The following COL24A1 variants were observed in gnomAD, a reference collection of about 807,000 sequenced individuals.
COL24A1 encodes collagen alpha-1(XXIV) chain.
Under a neutral mutation model 253.9 loss-of-function variants are expected in COL24A1, and 224 were observed. That is an observed-to-expected ratio of 0.88 (90% CI 0.79 to 0.99). The LOEUF (loss-of-function observed/expected upper bound fraction) is 0.99, where lower values mean the gene tolerates loss of function less well. COL24A1 is among the 50% of genes least tolerant of loss of function. The pLI, the probability that COL24A1 is intolerant of heterozygous loss-of-function variation, is 0.00. For missense variants in COL24A1, 2,131 were observed against 2,068.5 expected, an observed-to-expected ratio of 1.03 and a Z score of -0.59; for synonymous variants, 685 against 673.7, an observed-to-expected ratio of 1.02 and a Z score of -0.26.
Position 86,156,368 on chromosome 1 carries a change from C to T in COL24A1, c.29G>A (p.Arg10His). ...TTTTGCCGTGGGGGAGACTTTTCCA[C>T]GCCTTGTTCTGTGGGCTCTTAAATG... MHLRAHRTR[R>H]GKVSPTAKTK... The change falls in exon 1 of 60, where the codon CGT (arginine) becomes CAT (histidine). Residue 10 changes from arginine to histidine, a missense_variant. By Grantham distance (29) the Arg-to-His change is conservative (BLOSUM62 0). Coordinates refer to ENST00000370571, the MANE Select transcript of COL24A1 (RefSeq NM_152890.7). 2 of 1,612,918 alleles carry T rather than the reference C, an allele frequency of 1.2e-6. No individual in the cohort carries two copies. Among genetic ancestry groups the T allele is most frequent in the Non-Finnish European group, 1.7e-6 (2 of 1,179,500 alleles).
intron 49 of COL24A1, 32 bp downstream of exon 49, chr1:85,784,227 A>AGTGCTTG: frequency 6.2e-7 from 1 of 1,611,554 alleles, no homozygotes; most frequent in Non-Finnish European, 8.5e-7. Flanking sequence ...CTGTAGAATA[A>AGTGCTTG]ATGCTTGGTG....
intron 56 of COL24A1, 151 bp from the exon 57 acceptor site, chr1:85,744,985 G>A (rs1327580810): frequency 1.8e-6 from 1 of 569,960 alleles, no homozygotes; most frequent in East Asian, 2.9e-5. Flanking sequence ...ATATGTGTAT[G>A]CTTTAATAAC....
At chr1:86,043,717 AG>A (rs1699678472) in intron 12 of COL24A1, among the ~76,000 whole-genome samples, 1 of 151,900 alleles carries the variant, frequency 6.6e-6, no homozygotes, top group African/African-American at 2.4e-5. Context: ...TAGTAGAGAC[AG>A]GGTTTCACCA....
At chr1:85,949,237 G>T (rs1689659962) in intron 24 of COL24A1, among the ~76,000 whole-genome samples, 1 of 151,992 alleles carries the variant, frequency 6.6e-6, no homozygotes, top group African/African-American at 2.4e-5. Context: ...GGCAGTATGA[G>T]GAATATAAAT....
intron 19 of COL24A1, among the ~76,000 whole-genome samples, chr1:86,013,560 A>T (rs1483549944): frequency 2.0e-5 from 3 of 152,192 alleles, no homozygotes; most frequent in Non-Finnish European, 4.4e-5. Flanking sequence ...ACTGGGCCAG[A>T]CATGGTGGCT....
At chr1:85,962,984 T>C (rs1020407227) in intron 23 of COL24A1, among the ~76,000 whole-genome samples, 1 of 152,152 alleles carries the variant, frequency 6.6e-6, no homozygotes, top group African/African-American at 2.4e-5. Flanking sequence ...AACATCTCAT[T>C]AATAATTTCA....
intron 7 of COL24A1, among the ~76,000 whole-genome samples, chr1:86,067,476 G>A (rs1701580487): frequency 6.6e-6 from 1 of 152,134 alleles, no homozygotes; most frequent in Non-Finnish European, 1.5e-5. Context: ...ATTAACTGGT[G>A]GACAGACATG....
intron 24 of COL24A1, among the ~76,000 whole-genome samples, chr1:85,924,199 G>C (rs965839995): frequency 3.2e-4 from 49 of 152,250 alleles, no homozygotes; most frequent in African/African-American, 1.1e-3. Flanking sequence ...ACCAAAAAAA[G>C]TCAAGGACCA....
chr1:85,955,547 G>A (rs994393405), intron 24 of COL24A1, among the ~76,000 whole-genome samples: 2 of 152,238 alleles, frequency 1.3e-5, no homozygotes, highest in Non-Finnish European at 2.9e-5. Context: ...GCTGCCGTGG[G>A]ATTGGAGCCC....
chr1:85,807,649 A>G (rs769638557), intron 47 of COL24A1, among the ~76,000 whole-genome samples: 16 of 152,160 alleles, frequency 1.1e-4, no homozygotes, highest in Non-Finnish European at 1.9e-4. Flanking sequence ...CTTGGGATTC[A>G]TGTACTCTCA....
At chr1:86,008,952 A>T (rs1696240532) in intron 19 of COL24A1, among the ~76,000 whole-genome samples, 1 of 118,090 alleles carries the variant, frequency 8.5e-6, no homozygotes, top group Non-Finnish European at 1.8e-5. Context: ...AAACCTAAGG[A>T]ATGTTAACAC....
Position 86,104,275 on chromosome 1 carries a change from T to A in COL24A1, c.1599+8292A>T, listed in dbSNP as rs992571738. Among the ~76,000 whole-genome samples, 6 of 152,338 alleles carry A rather than the reference T, an allele frequency of 3.9e-5. No homozygotes were observed. The South Asian group carries it at 1.2e-3, about 32-fold the overall frequency. On this transcript the variant is annotated intron_variant, in intron 5 of 59. Coordinates refer to ENST00000370571, the MANE Select transcript of COL24A1 (RefSeq NM_152890.7). Reference sequence around the variant, plus strand: ...TGGCTATTTTGCCTGTCAGCTCCTGTATCATTTCATTGTGATTCTTAGCTT... The same window carrying A: ...TGGCTATTTTGCCTGTCAGCTCCTGAATCATTTCATTGTGATTCTTAGCTT...
In COL24A1 at chr1:85,744,837, G is replaced by T; in HGVS notation, c.4504-3C>A. 6.2e-7 allele frequency: 1 copy of T among 1,603,410 alleles called. No homozygotes were observed. The highest frequency in any genetic ancestry group is 8.5e-7 in the Non-Finnish European group (1 of 1,175,608). On this transcript the variant is annotated splice_region_variant and splice_polypyrimidine_tract_variant and intron_variant, in intron 56 of 59. Transcript: ENST00000370571. ...GTCACTTCAGTATTCTGGTAGCTCTGCCAAGTCATCATAAGAATTATATAA... is the reference window on the plus strand; with the variant it reads ...GTCACTTCAGTATTCTGGTAGCTCTTCCAAGTCATCATAAGAATTATATAA...
At chr1:86,120,726 C>T (rs1177109974) in intron 3 of COL24A1, among the ~76,000 whole-genome samples, 2 of 152,192 alleles carry the variant, frequency 1.3e-5, no homozygotes, top group African/African-American at 2.4e-5. Context: ...TTGTGGAAGA[C>T]AGTGTGGCGA....
At chr1:85,875,764 CACAG>C (rs1161674046) in intron 33 of COL24A1, among the ~76,000 whole-genome samples, 1 of 135,066 alleles carries the variant, frequency 7.4e-6, no homozygotes, top group African/African-American at 2.7e-5. Context: ...CACACACACA[CACAG>C]AGCTTCTTTT....
At chr1:86,034,308 A>T (rs61800722) in intron 12 of COL24A1, among the ~76,000 whole-genome samples, 19,621 of 152,122 alleles carry the variant, frequency 0.13, 1,423 homozygotes, top group Middle Eastern at 0.24. Flanking sequence ...AGAGAATAAA[A>T]TAGCTAGTAT....
Position 85,734,796 on chromosome 1 carries a change from T to A in COL24A1, c.4951A>T (p.Lys1651Ter). 1 of 1,614,210 alleles carries A rather than the reference T, an allele frequency of 6.2e-7. No individual in the cohort carries two copies. The highest frequency in any genetic ancestry group is 8.5e-7 in the Non-Finnish European group (1 of 1,180,028). Residue 1651 changes from lysine (K) to a stop codon, truncating the protein, a stop_gained, in exon 59 of 60, where the codon AAA (lysine) becomes TAA (stop). Transcript: ENST00000370571. LOFTEE classifies it high-confidence loss of function. ...TTAGGTTCAAGTAGAGTGTTTACTT[T>A]AAAAATCTGGCCATTCCATCCCTTG... Reference protein sequence around the residue: ...GFKGWNGQIFKVNTLLEPKVL... With the variant: ...GFKGWNGQIF
At chr1:85,927,561 G>C (rs1206231768) in intron 24 of COL24A1, among the ~76,000 whole-genome samples, 3 of 122,932 alleles carry the variant, frequency 2.4e-5, no homozygotes, top group African/African-American at 6.2e-5. Context: ...CAGGAAGCTC[G>C]AACTGGGTGG....
chr1:85,767,722 G>T (rs1667527038), intron 53 of COL24A1, among the ~76,000 whole-genome samples: 1 of 151,884 alleles, frequency 6.6e-6, no homozygotes, highest in African/African-American at 2.4e-5. Context: ...TTGGGTACTG[G>T]AAGTTTGCAC....
Sources: allele counts gnomAD v4.1 joint callset (sites outside exome capture counted in the v4.1 genomes callset), GRCh38; gene constraint gnomAD v4.1.1; transcripts MANE v1.5; gene names NCBI Gene and HGNC (gene_info 2026-07-23, HGNC 2026-07-21).